NFIC: variants seen among roughly 807,000 people sequenced by gnomAD.
The protein encoded by NFIC is nuclear factor 1 C-type.
NFIC carries 12 observed loss-of-function variants against 54.4 expected under a neutral mutation model. That is an observed-to-expected ratio of 0.22 (90% CI 0.14 to 0.36). The LOEUF (loss-of-function observed/expected upper bound fraction) is 0.36, where lower values mean the gene tolerates loss of function less well. Among genes scored for constraint, NFIC ranks in the 10% least tolerant of loss-of-function variants. The pLI, the probability that NFIC is intolerant of heterozygous loss-of-function variation, is 1.00. For missense variants in NFIC, 575 were observed against 718.2 expected (o/e 0.80, Z 2.28); for synonymous variants, 322 against 319.2 (o/e 1.01, Z -0.09).
chr19:3,402,579 C>G (rs1258152684), intron 2 of NFIC, among the ~76,000 whole-genome samples: 4 of 152,192 alleles, frequency 2.6e-5, no homozygotes, highest in African/African-American at 7.2e-5. Context: ...TGAGCAAACA[C>G]CCGTGCAGTC....
chr19:3,437,286 T>C (rs1187942300), intron 6 of NFIC, among the ~76,000 whole-genome samples: 1 of 151,604 alleles, frequency 6.6e-6, no homozygotes, highest in East Asian at 1.9e-4. Context: ...GAGAATGGCA[T>C]GAACCCGGGA....
At chr19:3,394,295 A>G (rs1420908846) in intron 2 of NFIC, among the ~76,000 whole-genome samples, 1 of 151,650 alleles carries the variant, frequency 6.6e-6, no homozygotes, top group Admixed American at 6.6e-5. Context: ...CCTGGCCAAC[A>G]TACTAAGACC....
At chr19:3,397,778 T>C (rs1312573772) in intron 2 of NFIC, among the ~76,000 whole-genome samples, 1 of 152,198 alleles carries the variant, frequency 6.6e-6, no homozygotes, top group African/African-American at 2.4e-5. Flanking sequence ...AAAGGGCCAG[T>C]GCTCAGAAAG....
intron 2 of NFIC, among the ~76,000 whole-genome samples, chr19:3,416,337 G>A (rs1475396270): frequency 6.7e-6 from 1 of 148,476 alleles, no homozygotes; most frequent in East Asian, 1.9e-4. Flanking sequence ...TTATACATAG[G>A]TATATAAAGT....
intron 2 of NFIC, among the ~76,000 whole-genome samples, 196 bp from the exon 3 acceptor site, chr19:3,424,896 GGTGCCTGGCCAGAT>G (rs2082004035): frequency 1.3e-5 from 2 of 152,166 alleles, no homozygotes; most frequent in Non-Finnish European, 2.9e-5. Context: ...GTGTCTGCAG[GGTGCCTGGCCAGAT>G]GTCTGTGACC....
At chr19:3,440,723 G>T (rs2082280684) in intron 6 of NFIC, among the ~76,000 whole-genome samples, 1 of 152,154 alleles carries the variant, frequency 6.6e-6, no homozygotes, top group African/African-American at 2.4e-5. Context: ...GTTTCACCCT[G>T]TTGGCCAGGC....
At chr19:3,437,206 A>G (rs2082216835) in intron 6 of NFIC, among the ~76,000 whole-genome samples, 1 of 151,968 alleles carries the variant, frequency 6.6e-6, no homozygotes, top group Non-Finnish European at 1.5e-5. Flanking sequence ...TCTCTACTAA[A>G]AATACAAAAA....
intron 3 of NFIC, among the ~76,000 whole-genome samples, chr19:3,428,574 G>A (rs1460548017): frequency 6.6e-6 from 1 of 152,100 alleles, no homozygotes; most frequent in African/African-American, 2.4e-5. Context: ...TCACAGGCCT[G>A]AGGCCACTCC....
upstream of NFIC, among the ~76,000 whole-genome samples, chr19:3,362,592 CG>C (rs2080824796): frequency 6.6e-6 from 1 of 151,328 alleles, no homozygotes; most frequent in Non-Finnish European, 1.5e-5. Context: ...TGAGTCTGCA[CG>C]ATGTGTGTCT....
intron 10 of NFIC, among the ~76,000 whole-genome samples, chr19:3,457,016 C>T (rs969418274): frequency 3.9e-5 from 6 of 152,180 alleles, no homozygotes; most frequent in African/African-American, 1.4e-4. Context: ...CACCCTCCCT[C>T]CTCCAGCCTC....
At chr19:3,363,193 C>T (rs1367543569), upstream of NFIC, among the ~76,000 whole-genome samples, 3 of 142,064 alleles carry the variant, frequency 2.1e-5, no homozygotes, top group Non-Finnish European at 4.5e-5. Flanking sequence ...TGGAAATACT[C>T]GTGTATTTCC....
chr19:3,386,547 T>C (rs775235641), intron 2 of NFIC, among the ~76,000 whole-genome samples: 18 of 151,990 alleles, frequency 1.2e-4, no homozygotes, highest in Non-Finnish European at 2.4e-4. Context: ...GGTCTGGAAC[T>C]CATGGCCTCA....
chr19:3,412,256 G>T (rs6510743), intron 2 of NFIC, among the ~76,000 whole-genome samples: 111,095 of 151,296 alleles, frequency 0.73, 42,906 homozygotes, highest in Non-Finnish European at 0.85. Context: ...CTAATTTTTA[G>T]ATTTTTGTAG....
chr19:3,379,048 A>T (rs10422402), intron 1 of NFIC, among the ~76,000 whole-genome samples: 2 of 151,782 alleles, frequency 1.3e-5, no homozygotes, highest in Non-Finnish European at 2.9e-5. Context: ...TTTCGTAGTC[A>T]TTTTTTGTTT....
intron 2 of NFIC, among the ~76,000 whole-genome samples, chr19:3,404,693 T>A (rs1026292379): frequency 6.6e-6 from 1 of 151,868 alleles, no homozygotes; most frequent in Non-Finnish European, 1.5e-5. Flanking sequence ...CGGAGAAACA[T>A]CTGGAACAGG....
intron 2 of NFIC, among the ~76,000 whole-genome samples, chr19:3,413,729 C>T (rs981745894): frequency 5.9e-5 from 9 of 152,022 alleles, no homozygotes; most frequent in African/African-American, 1.9e-4. Flanking sequence ...AGCCATCCCC[C>T]GGGTTCAAGC....
intron 2 of NFIC, among the ~76,000 whole-genome samples, chr19:3,413,099 C>A (rs1196612603): frequency 3.3e-5 from 5 of 152,288 alleles, no homozygotes; most frequent in Admixed American, 6.5e-5. Context: ...CAGGTGTGTG[C>A]CACCACACCC....
At chr19:3,373,881 G>A (rs1164872898) in intron 1 of NFIC, among the ~76,000 whole-genome samples, 1 of 152,114 alleles carries the variant, frequency 6.6e-6, no homozygotes, top group African/African-American at 2.4e-5. Flanking sequence ...TTCCCTCTCT[G>A]GGAGCCGTTC....
chr19:3,434,518 C>G, intron 5 of NFIC, 118 bp downstream of exon 5: 1 of 1,396,828 alleles, frequency 7.2e-7, no homozygotes, highest in East Asian at 2.5e-5. Context: ...ATTCACCTGG[C>G]CTGAGAAACT....
Sources: allele counts gnomAD v4.1 joint callset (sites outside exome capture counted in the v4.1 genomes callset), GRCh38; gene constraint gnomAD v4.1.1; transcripts MANE v1.5; gene names NCBI Gene and HGNC (gene_info 2026-07-23, HGNC 2026-07-21).